Variants in IGSF5 observed in about 807,000 individuals in gnomAD.
IGSF5 encodes immunoglobulin superfamily 5 like.
Under a neutral mutation model 39.4 loss-of-function variants are expected in IGSF5, and 41 were observed. That is an observed-to-expected ratio of 1.04 (90% CI 0.81 to 1.35). IGSF5 has a LOEUF of 1.35. Among genes scored for constraint, IGSF5 ranks in the 40% most tolerant of loss-of-function variants. The pLI is 0.00. For missense variants in IGSF5, 487 were observed against 494.6 expected, an observed-to-expected ratio of 0.98 and a Z score of 0.15; for synonymous variants, 183 against 175.3, an observed-to-expected ratio of 1.04 and a Z score of -0.34.
intron 8 of IGSF5, among the ~76,000 whole-genome samples, chr21:39,794,839 C>A (rs1018802371): frequency 3.3e-5 from 5 of 152,102 alleles, no homozygotes; most frequent in African/African-American, 1.2e-4. Context: ...TCTTTCTTGG[C>A]ACAGGTATTT....
At position 39,801,244 on chromosome 21, in the gene IGSF5, TTCC is replaced by T; in HGVS notation, c.1129-12_1129-10del. ...ATCTCAACCCATTAAATTGACTTTTTTCCTCCTCTGTTGCCAGCGGGCTGATCA... is the reference window on the plus strand; with the variant it reads ...ATCTCAACCCATTAAATTGACTTTTTTCCTCTGTTGCCAGCGGGCTGATCA... On this transcript the variant is annotated splice_polypyrimidine_tract_variant and intron_variant, in intron 8 of 8. Transcript: ENST00000380588. 6.2e-7 allele frequency: 1 copy of T among 1,606,668 alleles called. No homozygotes were observed. Among genetic ancestry groups the T allele is most frequent in the Non-Finnish European group, 8.5e-7 (1 of 1,173,794 alleles).
chr21:39,801,811 A>G lies in IGSF5; in HGVS notation c.*454A>G, dbSNP rs2087031463. 1 of 152,866 alleles carries G rather than the reference A, an allele frequency of 6.5e-6. No individual in the cohort carries two copies. Among genetic ancestry groups the G allele is most frequent in the Non-Finnish European group, 1.5e-5 (1 of 68,432 alleles). 9.5% of individuals were successfully genotyped at this position (152,866 alleles called of 1,614,324 possible). ...ACGAGTATAAAAATTAGGGTCAACC[A>G]GAAATCTGCAATTGACTGTCAAAAC... On this transcript the variant is annotated 3_prime_UTR_variant, in exon 9 of 9. Coordinates refer to ENST00000380588, the MANE Select transcript of IGSF5 (RefSeq NM_001080444.2).
chr21:39,766,152 G>C (rs753777170), intron 3 of IGSF5, among the ~76,000 whole-genome samples: 1 of 151,780 alleles, frequency 6.6e-6, no homozygotes, highest in East Asian at 1.9e-4. Flanking sequence ...TTATTGTTTC[G>C]TTGATTTATC....
intron 4 of IGSF5, among the ~76,000 whole-genome samples, chr21:39,771,478 G>T (rs1460046988): frequency 6.6e-6 from 1 of 152,154 alleles, no homozygotes; most frequent in East Asian, 1.9e-4. Context: ...TCATCAAAGA[G>T]CATCAAGTTT....
chr21:39,793,750 G>A (rs463903), intron 8 of IGSF5, 137 bp downstream of exon 8: 534,004 of 686,384 alleles, frequency 0.78, 210,033 homozygotes, highest in Admixed American at 0.84. Flanking sequence ...CTCCATATCA[G>A]CTGGTCAGCA....
At chr21:39,741,438 A>G (rs374796495), upstream of IGSF5, among the ~76,000 whole-genome samples, 5 of 152,332 alleles carry the variant, frequency 3.3e-5, no homozygotes, top group East Asian at 5.8e-4. Flanking sequence ...TTTTAGCCCT[A>G]AGCATTTAAC....
the IGSF5 span, among the ~76,000 whole-genome samples, chr21:39,739,641 C>T: frequency 3.3e-5 from 5 of 152,056 alleles, no homozygotes; most frequent in African/African-American, 1.2e-4. Context: ...GGGAGGTTGG[C>T]GATGACTGCT....
chr21:39,779,525 C>T (rs1391930107), intron 5 of IGSF5, among the ~76,000 whole-genome samples: 2 of 152,212 alleles, frequency 1.3e-5, no homozygotes, highest in Admixed American at 6.5e-5. Flanking sequence ...TAGAGCTATC[C>T]TATAATCCAG....
chr21:39,740,714 A>G (rs1351921181), upstream of IGSF5, among the ~76,000 whole-genome samples: 1 of 152,190 alleles, frequency 6.6e-6, no homozygotes, highest in Non-Finnish European at 1.5e-5. Flanking sequence ...GGTTTGAGCA[A>G]TTACTTGTTG....
chr21:39,735,457 G>T, the IGSF5 span, among the ~76,000 whole-genome samples: 2 of 152,048 alleles, frequency 1.3e-5, no homozygotes, highest in Admixed American at 1.3e-4. Flanking sequence ...ATTACAAAAA[G>T]TTAAATATTG....
chr21:39,795,514 G>C (rs777924215), intron 8 of IGSF5, among the ~76,000 whole-genome samples: 4 of 151,226 alleles, frequency 2.6e-5, no homozygotes, highest in Non-Finnish European at 4.4e-5. Context: ...TCAGAATAGG[G>C]TCATGCCACA....
At chr21:39,766,491 TC>T (rs758778161) in intron 3 of IGSF5, among the ~76,000 whole-genome samples, 53 of 152,208 alleles carry the variant, frequency 3.5e-4, no homozygotes, top group Middle Eastern at 3.4e-3. Flanking sequence ...TCCAGCAGAA[TC>T]CCCCCAACTT....
intron 2 of IGSF5, among the ~76,000 whole-genome samples, chr21:39,763,539 A>T (rs1350921535): frequency 6.6e-6 from 1 of 152,230 alleles, no homozygotes; most frequent in African/African-American, 2.4e-5. Flanking sequence ...GGGTACATAA[A>T]GACTGGCCTT....
chr21:39,745,321 C>T lies in IGSF5; in HGVS notation c.-189C>T, dbSNP rs2146267584. On this transcript the variant is annotated 5_prime_UTR_variant, in exon 1 of 9. Transcript: ENST00000380588. ...GACGCCAGGGATAAGACTCCCTGGG[C>T]TATAGCCTAGGTGCCTGAGGACGCA... 1 of 511,164 alleles carries T rather than the reference C, an allele frequency of 2.0e-6. No homozygotes were observed. The highest frequency in any genetic ancestry group is 3.5e-6 in the Non-Finnish European group (1 of 283,688). 31.7% of individuals were successfully genotyped at this position (511,164 alleles called of 1,614,324 possible). A position where few individuals can be genotyped will look rare whatever the true frequency, so the allele number is the denominator to read the frequency against.
intron 8 of IGSF5, among the ~76,000 whole-genome samples, chr21:39,799,545 A>G (rs901775269): frequency 5.9e-5 from 9 of 151,868 alleles, no homozygotes; most frequent in Non-Finnish European, 1.3e-4. Flanking sequence ...ACAGACATGT[A>G]TAGCATTGTT....
the IGSF5 span, among the ~76,000 whole-genome samples, chr21:39,726,282 G>A: frequency 1.8e-4 from 27 of 152,306 alleles, no homozygotes; most frequent in Non-Finnish European, 3.1e-4. Flanking sequence ...TCAGCATTTT[G>A]AAAAATTAAC....
At chr21:39,729,432 C>A in the IGSF5 span, 1 of 152,298 alleles carries the variant, frequency 6.6e-6, no homozygotes, top group Non-Finnish European at 1.5e-5. Flanking sequence ...GATGCGGTTG[C>A]CATAGAATCG....
At chr21:39,748,115 A>G (rs1344579792) in intron 2 of IGSF5, among the ~76,000 whole-genome samples, 1 of 152,014 alleles carries the variant, frequency 6.6e-6, no homozygotes. Context: ...AGAATACTAG[A>G]AGCAGGGTGG....
At chr21:39,780,326 T>C (rs1314578664) in intron 5 of IGSF5, among the ~76,000 whole-genome samples, 2 of 152,216 alleles carry the variant, frequency 1.3e-5, no homozygotes, top group Non-Finnish European at 2.9e-5. Context: ...AGCTGTTTCT[T>C]TGGGGCCTGA....
Sources: allele counts gnomAD v4.1 joint callset (sites outside exome capture counted in the v4.1 genomes callset), GRCh38; gene constraint gnomAD v4.1.1; transcripts MANE v1.5; gene names NCBI Gene and HGNC (gene_info 2026-07-23, HGNC 2026-07-21).